The following CTNNA2 variants were observed in gnomAD, a reference collection of about 807,000 sequenced individuals.
CTNNA2 encodes the protein catenin alpha 2, also known as catenin alpha-2.
CTNNA2 carries 42 observed loss-of-function variants against 101.0 expected under a neutral mutation model. That is an observed-to-expected ratio of 0.42 (90% CI 0.32 to 0.54). The LOEUF is 0.54. CTNNA2 is among the 20% of genes least tolerant of loss of function. The pLI is 0.14. For missense variants in CTNNA2, 871 were observed against 1,223.1 expected (o/e 0.71, Z 4.29); for synonymous variants, 450 against 456.4 (o/e 0.99, Z 0.18).
In CTNNA2 at chr2:79,619,451, G is replaced by A. The variant is rs576274091; in HGVS notation, c.-5-32101G>A. Among the ~76,000 whole-genome samples the A allele has an allele frequency of 4.6e-5, 7 of 152,224 alleles. No individual in the cohort carries two copies. In the East Asian group the frequency reaches 1.4e-3, roughly 29 times the overall value. ...CCTGAAGAACCAATTGTTTAACCTT[G>A]GCTGCAGTGGGCCCTGCTGACATTA... On this transcript the variant is annotated intron_variant, in intron 1 of 18. Transcript: ENST00000402739.
intron 15 of CTNNA2, among the ~76,000 whole-genome samples, chr2:80,596,232 G>A (rs1040449971): frequency 6.9e-5 from 9 of 129,612 alleles, no homozygotes; most frequent in African/African-American, 2.5e-4. Context: ...AGACTTTACT[G>A]AAGTTGCTTA....
At chr2:79,778,693 T>G (rs1483418868) in intron 3 of CTNNA2, among the ~76,000 whole-genome samples, 1 of 152,244 alleles carries the variant, frequency 6.6e-6, no homozygotes, top group Non-Finnish European at 1.5e-5. Context: ...GCATCCATGT[T>G]AATATATGGA....
In CTNNA2 at chr2:80,457,211, C is replaced by T. The variant is rs529003561; in HGVS notation, c.1290+37610C>T. On this transcript the variant is annotated intron_variant, in intron 9 of 18. Transcript: ENST00000402739. ...CCCGAGTAGCTGGGATTACAGGTGC[C>T]CACCACCGCACCCAGTTAATTTTTG... Among the ~76,000 whole-genome samples the T allele has an allele frequency of 5.3e-5, 8 of 151,882 alleles. No homozygotes were observed. The South Asian group carries it at 1.7e-3, about 32-fold the overall frequency.
At chr2:80,022,798 TTAGTCA>T (rs1364845292) in intron 7 of CTNNA2, among the ~76,000 whole-genome samples, 1 of 152,056 alleles carries the variant, frequency 6.6e-6, no homozygotes, top group Non-Finnish European at 1.5e-5. Flanking sequence ...GCAAGAGAGA[TTAGTCA>T]AAGTCCAGAG....
Position 79,732,565 on chromosome 2 carries a change from A to C in CTNNA2, c.103-11822A>C, listed in dbSNP as rs555369352. ...GTGTTATTTATTTTTCTAAATGAGC[A>C]TACATTCCTGAACTAATAATGTATT... is the stretch of plus-strand genomic sequence containing the variant. On this transcript the variant is annotated intron_variant, in intron 2 of 18. Coordinates refer to ENST00000402739, the MANE Select transcript of CTNNA2 (RefSeq NM_001282597.3). Among the ~76,000 whole-genome samples, 95 of 152,222 alleles carry C rather than the reference A, an allele frequency of 6.2e-4. 1 individual carries two copies. Among genetic ancestry groups the C allele is most frequent in the South Asian group, 8.3e-4 (4 of 4,822 alleles).
At chr2:80,420,995 C>T (rs1488023822) in intron 9 of CTNNA2, among the ~76,000 whole-genome samples, 1 of 152,210 alleles carries the variant, frequency 6.6e-6, no homozygotes, top group Admixed American at 6.5e-5. Flanking sequence ...TATCACCCTT[C>T]ACATTCCACC....
chr2:79,416,235 C>T (rs1444847400), intron 4 of CTNNA2, among the ~76,000 whole-genome samples: 3 of 149,552 alleles, frequency 2.0e-5, no homozygotes, highest in African/African-American at 7.4e-5. Flanking sequence ...TCTCATGTCT[C>T]CTTGTCTTCT....
At chr2:79,376,451 G>GT (rs200549562) in intron 4 of CTNNA2, among the ~76,000 whole-genome samples, 63,105 of 148,708 alleles carry the variant, frequency 0.42, 13,560 homozygotes, top group Non-Finnish European at 0.45. Flanking sequence ...TTGTTGGTTG[G>GT]TTTTGTTTTT....
chr2:79,839,445 A>G (rs1288384416), intron 3 of CTNNA2, among the ~76,000 whole-genome samples: 1 of 152,074 alleles, frequency 6.6e-6, no homozygotes, highest in East Asian at 1.9e-4. Flanking sequence ...CCTGAATAAG[A>G]GAATTTATTT....
intron 7 of CTNNA2, among the ~76,000 whole-genome samples, chr2:80,360,047 C>T: frequency 6.6e-6 from 1 of 152,054 alleles, no homozygotes; most frequent in Non-Finnish European, 1.5e-5. Flanking sequence ...TTATTTACAT[C>T]TTTAATTCCT....
chr2:79,490,649 A>G (rs1309153761), intron 4 of CTNNA2, among the ~76,000 whole-genome samples: 2 of 152,222 alleles, frequency 1.3e-5, no homozygotes, highest in African/African-American at 4.8e-5. Context: ...AAAGAACACA[A>G]TGAATGGTTA....
chr2:80,033,372 A>G (rs1695429487), intron 7 of CTNNA2, among the ~76,000 whole-genome samples: 10 of 151,994 alleles, frequency 6.6e-5, no homozygotes. Flanking sequence ...TAGGAATTCA[A>G]GACCAGCTTG....
chr2:79,534,968 T>C (rs1672968192), intron 1 of CTNNA2, among the ~76,000 whole-genome samples: 1 of 150,560 alleles, frequency 6.6e-6, no homozygotes, highest in African/African-American at 2.4e-5. Context: ...TGATATTGAG[T>C]AGGGAAGGCC....
At chr2:79,408,215 C>A (rs754610062) in intron 4 of CTNNA2, among the ~76,000 whole-genome samples, 7 of 151,922 alleles carry the variant, frequency 4.6e-5, no homozygotes, top group Non-Finnish European at 7.4e-5. Flanking sequence ...GCCCAAAGTA[C>A]AGCCTTAGAG....
At chr2:79,266,131 A>G (rs1674983620) in intron 2 of CTNNA2, among the ~76,000 whole-genome samples, 1 of 152,200 alleles carries the variant, frequency 6.6e-6, no homozygotes, top group Non-Finnish European at 1.5e-5. Context: ...ACACCTTTTC[A>G]CTGTTACTGC....
At chr2:80,440,701 G>A (rs978231733) in intron 9 of CTNNA2, among the ~76,000 whole-genome samples, 1 of 152,142 alleles carries the variant, frequency 6.6e-6, no homozygotes, top group Non-Finnish European at 1.5e-5. Context: ...TGAAAAAAAG[G>A]CATTACGGGA....
intron 3 of CTNNA2, among the ~76,000 whole-genome samples, chr2:79,352,236 G>C (rs1677406525): frequency 1.3e-5 from 2 of 151,746 alleles, no homozygotes; most frequent in South Asian, 4.2e-4. Context: ...TGGTTGGTAG[G>C]TTTTTTATTA....
At chr2:79,402,698 G>T (rs1248051615) in intron 4 of CTNNA2, among the ~76,000 whole-genome samples, 2 of 151,764 alleles carry the variant, frequency 1.3e-5, no homozygotes, top group African/African-American at 4.8e-5. Flanking sequence ...TCTTCTCAAT[G>T]CATTTGGAAC....
intron 2 of CTNNA2, among the ~76,000 whole-genome samples, chr2:79,213,329 G>A (rs948179650): frequency 6.6e-6 from 1 of 152,300 alleles, no homozygotes; most frequent in East Asian, 1.9e-4. Context: ...TTATTAAAGA[G>A]GCATTAATGA....
Sources: gnomAD v4.1 joint callset for allele counts (sites outside exome capture counted in the v4.1 genomes callset) on GRCh38, gnomAD v4.1.1 for gene constraint, MANE v1.5 for transcripts, NCBI Gene and HGNC (gene_info 2026-07-23, HGNC 2026-07-21) for gene names.